SMG6: variants seen among roughly 807,000 people sequenced by gnomAD.
The protein encoded by SMG6 is SMG6 nonsense mediated mRNA decay factor.
SMG6 carries 66 observed loss-of-function variants against 142.2 expected under a neutral mutation model. That is an observed-to-expected ratio of 0.46 (90% CI 0.38 to 0.57). The LOEUF is 0.57. Ranked by LOEUF, SMG6 falls within the 20% of genes least tolerant of loss-of-function variation. The pLI is 0.00. For synonymous variants in SMG6, 779 were observed against 702.4 expected (o/e 1.11, Z -1.72); for missense variants, 1,793 against 1,832.0 (o/e 0.98, Z 0.39).
chr17:2,109,630 A>G (rs1287640485), intron 13 of SMG6, among the ~76,000 whole-genome samples: 2 of 152,176 alleles, frequency 1.3e-5, no homozygotes, highest in Non-Finnish European at 2.9e-5. Context: ...CAGGAATCCA[A>G]TAACTACGTG....
chr17:2,297,402 C>G, intron 3 of SMG6, 49 bp from the exon 4 acceptor site: 1 of 1,413,188 alleles, frequency 7.1e-7, no homozygotes, highest in Non-Finnish European at 9.7e-7. Context: ...TCTAATCCAA[C>G]CTATCCACCA....
intron 13 of SMG6, among the ~76,000 whole-genome samples, chr17:2,098,418 C>T (rs2068915731): frequency 6.6e-6 from 1 of 152,208 alleles, no homozygotes; most frequent in African/African-American, 2.4e-5. Context: ...AGGTCTTCTC[C>T]CCATGCCTGA....
At chr17:2,105,384 A>G (rs1041361669) in intron 13 of SMG6, among the ~76,000 whole-genome samples, 22 of 152,048 alleles carry the variant, frequency 1.4e-4, no homozygotes, top group Non-Finnish European at 2.9e-4. Context: ...AATCTCTACT[A>G]AAAATACAAA....
At chr17:2,093,121 G>A (rs888867686) in intron 13 of SMG6, among the ~76,000 whole-genome samples, 22 of 151,696 alleles carry the variant, frequency 1.5e-4, no homozygotes, top group Non-Finnish European at 2.6e-4. Context: ...TTGAACCCAG[G>A]AAGTGGAGGT....
intron 8 of SMG6, among the ~76,000 whole-genome samples, chr17:2,254,540 G>T (rs1428125840): frequency 6.6e-6 from 1 of 152,100 alleles, no homozygotes; most frequent in African/African-American, 2.4e-5. Context: ...TTGCCATGTT[G>T]TCCAGGCTGG....
In SMG6 at chr17:2,299,236, T is replaced by C; in HGVS notation, c.1517A>G (p.Asn506Ser). 1.2e-6 allele frequency: 2 copies of C among 1,613,588 alleles called. No individual in the cohort carries two copies. Among genetic ancestry groups the C allele is most frequent in the Non-Finnish European group, 1.7e-6 (2 of 1,179,868 alleles). Residue 506 changes from asparagine to serine, a missense_variant, in exon 2 of 19, where the codon AAC becomes AGC. Coordinates refer to ENST00000263073, the MANE Select transcript of SMG6 (RefSeq NM_017575.5). This position sits in a 1 kb window ranked among gnomAD's most constrained non-coding sequence, Gnocchi z 4.3. Reference sequence around the variant, plus strand: ...TGGTGTCCGGGGGTAATAATAGGGGTTGTCAGAGTTTTGAAACTTATAGTA... The same window carrying C: ...TGGTGTCCGGGGGTAATAATAGGGGCTGTCAGAGTTTTGAAACTTATAGTA... ...ASYYKFQNSD[N>S]PYYYPRTPGP...
intron 8 of SMG6, among the ~76,000 whole-genome samples, chr17:2,277,390 T>G (rs1201378788): frequency 2.0e-5 from 3 of 151,922 alleles, no homozygotes; most frequent in African/African-American, 7.3e-5. Context: ...ATGGTCTCGA[T>G]CTCCTGACCT....
At chr17:2,291,203 C>T (rs572356611) in intron 6 of SMG6, among the ~76,000 whole-genome samples, 1,557 of 152,106 alleles carry the variant, frequency 0.01, 29 homozygotes, top group African/African-American at 0.034. Flanking sequence ...TGGTGGCGGG[C>T]GCCTGTAGTC....
intron 10 of SMG6, among the ~76,000 whole-genome samples, chr17:2,211,012 G>C (rs2072838627): frequency 6.6e-6 from 1 of 151,116 alleles, no homozygotes; most frequent in African/African-American, 2.4e-5. Flanking sequence ...ACTTGAGAAG[G>C]ATCACCATGC....
chr17:2,296,455 C>A (rs394752), intron 4 of SMG6, among the ~76,000 whole-genome samples: 86,618 of 151,494 alleles, frequency 0.57, 25,978 homozygotes, highest in East Asian at 0.75. Flanking sequence ...TATCAGGGGT[C>A]CCCAGCCCCC....
At chr17:2,273,169 T>G (rs1206058390) in intron 8 of SMG6, among the ~76,000 whole-genome samples, 1 of 152,148 alleles carries the variant, frequency 6.6e-6, no homozygotes, top group African/African-American at 2.4e-5. Flanking sequence ...TGTTAATGAA[T>G]TAATAATATA....
intron 13 of SMG6, among the ~76,000 whole-genome samples, chr17:2,098,979 T>C (rs1209551361): frequency 1.3e-5 from 2 of 152,186 alleles, no homozygotes; most frequent in Non-Finnish European, 2.9e-5. Context: ...TCTTAATATC[T>C]TTCTCCCATT....
intron 10 of SMG6, among the ~76,000 whole-genome samples, chr17:2,222,949 T>C (rs2073219343): frequency 6.6e-6 from 1 of 152,154 alleles, no homozygotes; most frequent in African/African-American, 2.4e-5. Context: ...GTTCTGGGCA[T>C]CACCCTCTCT....
chr17:2,190,146 A>G (rs2072114961), intron 10 of SMG6, among the ~76,000 whole-genome samples: 1 of 152,204 alleles, frequency 6.6e-6, no homozygotes, highest in African/African-American at 2.4e-5. Flanking sequence ...CCCCATAGGC[A>G]GCAGCACTGT....
At chr17:2,172,353 T>C (rs2071530853) in intron 13 of SMG6, among the ~76,000 whole-genome samples, 1 of 151,964 alleles carries the variant, frequency 6.6e-6, no homozygotes, top group Non-Finnish European at 1.5e-5. Context: ...TTAAGCATGA[T>C]GCAAACCATT....
At position 2,071,346 on chromosome 17, in the gene SMG6, C is replaced by G. The variant is rs2068095197; in HGVS notation, c.3682-2415G>C. Among the ~76,000 whole-genome samples, 1 of 152,154 alleles carries G rather than the reference C, an allele frequency of 6.6e-6. No homozygotes were observed. The highest frequency in any genetic ancestry group is 1.5e-5 in the Non-Finnish European group (1 of 68,042). ...TATTGCTGGCAATTAGGCAGGAGAG[C>G]CTTGAAGCCAGGTGGCTGAGGGATG... On this transcript the variant is annotated intron_variant, in intron 15 of 18. Coordinates refer to ENST00000263073, the MANE Select transcript of SMG6 (RefSeq NM_017575.5). The surrounding 1 kb of genome is among the most constrained non-coding windows in gnomAD (Gnocchi z 5.6).
chr17:2,073,475 C>T (rs2151408292), intron 15 of SMG6, among the ~76,000 whole-genome samples: 1 of 151,974 alleles, frequency 6.6e-6, no homozygotes, highest in East Asian at 2.0e-4. Flanking sequence ...CTTTGGGAGG[C>T]CAAGGCGGGT....
intron 10 of SMG6, among the ~76,000 whole-genome samples, chr17:2,223,841 C>A (rs986763525): frequency 6.6e-6 from 1 of 152,104 alleles, no homozygotes; most frequent in East Asian, 1.9e-4. Flanking sequence ...AGAAACTAAT[C>A]TTTGGAAGAG....
intron 13 of SMG6, among the ~76,000 whole-genome samples, chr17:2,150,088 G>C (rs376077676): frequency 6.6e-6 from 1 of 152,186 alleles, no homozygotes; most frequent in African/African-American, 2.4e-5. Context: ...GAACTGGGCC[G>C]CACAGCAGGA....
Sources: gnomAD v4.1 joint callset for allele counts (sites outside exome capture counted in the v4.1 genomes callset) on GRCh38, gnomAD v4.1.1 for gene constraint, Gnocchi (gnomAD v3.1) non-coding constraint, MANE v1.5 for transcripts, NCBI Gene and HGNC (gene_info 2026-07-23, HGNC 2026-07-21) for gene names.